Variants in TANGO6 observed in about 807,000 individuals in gnomAD.
TANGO6 encodes transport and golgi organization 6 homolog.
In TANGO6, 90 loss-of-function variants were observed where a neutral mutation model predicts 114.2. The observed-to-expected ratio is 0.79, with a 90% confidence interval of 0.66 to 0.94. TANGO6 has a LOEUF of 0.94. Among genes scored for constraint, TANGO6 ranks in the 40% least tolerant of loss-of-function variants. The pLI, the probability that TANGO6 is intolerant of heterozygous loss-of-function variation, is 0.00. For missense variants in TANGO6, 1,274 were observed against 1,315.3 expected, an observed-to-expected ratio of 0.97 and a Z score of 0.49; for synonymous variants, 477 against 509.8, an observed-to-expected ratio of 0.94 and a Z score of 0.87.
intron 15 of TANGO6, among the ~76,000 whole-genome samples, chr16:69,000,051 G>A (rs892899182): frequency 3.3e-5 from 5 of 152,172 alleles, no homozygotes; most frequent in African/African-American, 9.7e-5. Flanking sequence ...TCAAAGAGGC[G>A]ATTCGCCAGG....
At chr16:68,870,766 C>CA (rs1284381863) in intron 4 of TANGO6, among the ~76,000 whole-genome samples, 3 of 150,992 alleles carry the variant, frequency 2.0e-5, no homozygotes, top group Non-Finnish European at 4.4e-5. Flanking sequence ...CTTTAGTTGC[C>CA]ATTTCTTTTA....
At chr16:68,983,659 C>T (rs1431707362) in intron 15 of TANGO6, among the ~76,000 whole-genome samples, 1 of 152,158 alleles carries the variant, frequency 6.6e-6, no homozygotes, top group East Asian at 1.9e-4. Context: ...CCAAACCCTG[C>T]AGTTGAGTGT....
intron 15 of TANGO6, among the ~76,000 whole-genome samples, chr16:68,981,157 G>A (rs1345126838): frequency 1.4e-5 from 2 of 146,438 alleles, no homozygotes; most frequent in Non-Finnish European, 3.0e-5. Context: ...CAATGTCAAT[G>A]TTGACAATAA....
At chr16:69,043,149 C>T (rs746488370) in intron 17 of TANGO6, among the ~76,000 whole-genome samples, 12 of 152,040 alleles carry the variant, frequency 7.9e-5, no homozygotes, top group Non-Finnish European at 1.5e-4. Context: ...TCACTTGAAC[C>T]GGGGAGGCGG....
intron 14 of TANGO6, among the ~76,000 whole-genome samples, chr16:68,930,818 G>A (rs1475026122): frequency 6.6e-6 from 1 of 151,778 alleles, no homozygotes; most frequent in Non-Finnish European, 1.5e-5. Context: ...TATATTTTTA[G>A]TAGAGACAAG....
intron 15 of TANGO6, among the ~76,000 whole-genome samples, chr16:68,991,210 G>A (rs1326497218): frequency 1.3e-5 from 2 of 152,202 alleles, no homozygotes; most frequent in African/African-American, 4.8e-5. Context: ...GAGCAGAGGA[G>A]TCTAGACTTG....
intron 13 of TANGO6, among the ~76,000 whole-genome samples, chr16:68,928,291 A>G (rs1963196131): frequency 7.1e-6 from 1 of 140,896 alleles, no homozygotes; most frequent in Admixed American, 7.4e-5. Flanking sequence ...ATATGAACTG[A>G]GTGCCAATTT....
rs531849887 is a variant in TANGO6 at position 69,064,141 on chromosome 16, G to A, written c.3109-19344G>A. On this transcript the variant is annotated intron_variant, in intron 17 of 17. Coordinates refer to ENST00000261778, the MANE Select transcript of TANGO6 (RefSeq NM_024562.2). The stretch of plus-strand genomic sequence containing the variant: ...ATAAGCCACCACGCCCAGCTCTACA[G>A]CCATACTTTTCTGGTGTGGGTGGGA... Among the ~76,000 whole-genome samples the A allele has an allele frequency of 4.6e-5, 7 of 152,162 alleles. No homozygotes were observed. The South Asian group carries it at 1.5e-3, about 32-fold the overall frequency.
At chr16:69,015,724 G>A (rs1347549470) in intron 15 of TANGO6, among the ~76,000 whole-genome samples, 2 of 151,788 alleles carry the variant, frequency 1.3e-5, no homozygotes, top group Admixed American at 6.6e-5. Flanking sequence ...CTCATGATCC[G>A]CCCCCTCTGC....
At chr16:68,903,784 T>C (rs1408255769) in intron 9 of TANGO6, among the ~76,000 whole-genome samples, 1 of 151,872 alleles carries the variant, frequency 6.6e-6, no homozygotes, top group African/African-American at 2.4e-5. Flanking sequence ...TAGCCGGTTG[T>C]GGTGGCTGGC....
chr16:69,012,580 G>GAAAAAAAAAAAAAAGA (rs1964153473), intron 15 of TANGO6, among the ~76,000 whole-genome samples: 1 of 108,528 alleles, frequency 9.2e-6, no homozygotes, highest in Admixed American at 9.8e-5. Context: ...AAAAAAAAAG[G>GAAAAAAAAAAAAAAGA]AAAAAAAAAA....
chr16:68,956,714 A>C (rs541100663), intron 14 of TANGO6, among the ~76,000 whole-genome samples: 1 of 152,080 alleles, frequency 6.6e-6, no homozygotes, highest in East Asian at 1.9e-4. Context: ...TTAGCCAGTC[A>C]TGGTGGCAGG....
At chr16:69,035,086 A>T (rs1018982049) in intron 16 of TANGO6, 4 of 152,096 alleles carry the variant, frequency 2.6e-5, no homozygotes, top group African/African-American at 7.2e-5. Context: ...CACATACCTG[A>T]GCTTTGGGGG....
intron 15 of TANGO6, among the ~76,000 whole-genome samples, chr16:69,014,640 A>G (rs974189955): frequency 1.3e-5 from 2 of 152,114 alleles, no homozygotes; most frequent in Non-Finnish European, 2.9e-5. Flanking sequence ...CACACTTATA[A>G]TCTCAGCACT....
chr16:68,918,869 A>G (rs1963049133), intron 11 of TANGO6, among the ~76,000 whole-genome samples: 1 of 152,194 alleles, frequency 6.6e-6, no homozygotes, highest in African/African-American at 2.4e-5. Flanking sequence ...CTGTCTGTTC[A>G]TCTGTGTCCT....
In TANGO6 at chr16:69,022,853, A is replaced by T. The variant is rs1309341462; in HGVS notation, c.2868A>T (p.Glu956Asp). Reference protein sequence around the residue: ...ALGDMVSKYREPLIHTFLRGV... With the variant: ...ALGDMVSKYRDPLIHTFLRGV... Reference sequence around the variant, plus strand: ...GAGACATGGTCTCAAAGTACCGAGAACCTTTGATCCATACCTTCCTGAGGG... The same window carrying T: ...GAGACATGGTCTCAAAGTACCGAGATCCTTTGATCCATACCTTCCTGAGGG... The change falls in exon 16 of 18, where the codon GAA becomes GAT. Residue 956 changes from glutamate to aspartate, a missense_variant. Physicochemically the swap from Glu to Asp is conservative, Grantham distance 45. This residue lies in a region of TANGO6 where 238 missense variants were observed against 252.9 expected (regional missense o/e 0.94). Coordinates refer to ENST00000261778, the MANE Select transcript of TANGO6 (RefSeq NM_024562.2). The T allele has an allele frequency of 6.3e-7, 1 of 1,587,948 alleles. No homozygotes were observed. The highest frequency in any genetic ancestry group is 1.1e-5 in the South Asian group (1 of 87,140).
chr16:68,919,034 T>C (rs1181053428), intron 11 of TANGO6, 51 bp from the exon 12 acceptor site: 14 of 1,552,816 alleles, frequency 9.0e-6, no homozygotes, highest in African/African-American at 8.3e-5. Flanking sequence ...AGGAGAATTA[T>C]GATTTTTTTT....
chr16:68,966,064 T>C (rs544283255), intron 14 of TANGO6, among the ~76,000 whole-genome samples: 1 of 151,904 alleles, frequency 6.6e-6, no homozygotes, highest in African/African-American at 2.4e-5. Context: ...AGACCTCGTC[T>C]CCACAAAAAA....
intron 1 of TANGO6, chr16:68,846,585 TC>T: frequency 8.6e-6 from 2 of 231,272 alleles, no homozygotes; most frequent in Non-Finnish European, 8.8e-6. Flanking sequence ...AACCTCCGCC[TC>T]CCAGGTTCAA....
Sources: allele counts gnomAD v4.1 joint callset (sites outside exome capture counted in the v4.1 genomes callset), GRCh38; gene constraint gnomAD v4.1.1; regional missense constraint gnomAD v4.1.1; transcripts MANE v1.5; gene names NCBI Gene and HGNC (gene_info 2026-07-23, HGNC 2026-07-21).